The following PHF20L1 variants were observed in gnomAD, a reference collection of about 807,000 sequenced individuals.
PHF20L1 encodes the protein PHD finger protein 20 like 1, also known as PHD finger protein 20-like protein 1.
Under a neutral mutation model 125.5 loss-of-function variants are expected in PHF20L1, and 44 were observed. That is an observed-to-expected ratio of 0.35 (90% CI 0.28 to 0.45). The LOEUF is 0.45. Ranked by LOEUF, PHF20L1 falls within the 20% of genes least tolerant of loss-of-function variation. The pLI is 1.00. For synonymous variants in PHF20L1, 380 were observed against 403.1 expected, an observed-to-expected ratio of 0.94 and a Z score of 0.69; for missense variants, 1,012 against 1,217.2, an observed-to-expected ratio of 0.83 and a Z score of 2.51.
rs567912346 is a variant in PHF20L1, at chr8:132,838,661, CAGTA to C, written c.2192-723_2192-720del. ...GTCACAATAAGTCACAAAAAAGTCA[CAGTA>C]AGAAGCAAGAGAATTAATTATTCAC... On this transcript the variant is annotated intron_variant, in intron 17 of 20. Coordinates refer to ENST00000395386, the MANE Select transcript of PHF20L1 (RefSeq NM_016018.5). 6 of 152,232 alleles carry C rather than the reference CAGTA, an allele frequency of 3.9e-5. No homozygotes were observed. The South Asian group carries it at 1.2e-3, about 32-fold the overall frequency. The allele number at this position is 152,232 out of a possible 1,614,324, so 9.4% of individuals were successfully genotyped here.
chr8:132,819,505 T>C (rs1478615841), intron 12 of PHF20L1, among the ~76,000 whole-genome samples: 1 of 151,738 alleles, frequency 6.6e-6, no homozygotes, highest in Non-Finnish European at 1.5e-5. Flanking sequence ...ACCTTTTGAT[T>C]ACAACCTTGT....
intron 4 of PHF20L1, among the ~76,000 whole-genome samples, chr8:132,796,581 C>T (rs1332217721): frequency 6.6e-6 from 1 of 152,058 alleles, no homozygotes; most frequent in Non-Finnish European, 1.5e-5. Flanking sequence ...ATGAATATGG[C>T]TATGGTTTTC....
intron 14 of PHF20L1, among the ~76,000 whole-genome samples, chr8:132,828,738 G>A (rs1387114648): frequency 6.6e-6 from 1 of 152,042 alleles, no homozygotes; most frequent in Admixed American, 6.6e-5. Flanking sequence ...CCAGTTTTTA[G>A]CTTTGTTACT....
intron 17 of PHF20L1, among the ~76,000 whole-genome samples, chr8:132,838,978 G>T (rs955089300): frequency 2.0e-5 from 3 of 152,134 alleles, no homozygotes; most frequent in Middle Eastern, 3.2e-3. Context: ...AGACATGGGG[G>T]AAGGGTTCCT....
chr8:132,804,346 T>C (rs1012733778), intron 7 of PHF20L1, among the ~76,000 whole-genome samples: 6 of 151,866 alleles, frequency 4.0e-5, no homozygotes, highest in Admixed American at 3.3e-4. Context: ...TCTTCAACCT[T>C]TTAAATGCTT....
chr8:132,829,761 G>A (rs1836563219), intron 14 of PHF20L1, among the ~76,000 whole-genome samples: 1 of 152,066 alleles, frequency 6.6e-6, no homozygotes, highest in African/African-American at 2.4e-5. Context: ...GGGTTTGAAT[G>A]TTGGCTTTGC....
intron 2 of PHF20L1, among the ~76,000 whole-genome samples, chr8:132,787,632 C>T (rs892702767): frequency 2.6e-5 from 4 of 151,968 alleles, no homozygotes; most frequent in Non-Finnish European, 4.4e-5. Flanking sequence ...GTTTTGCTTT[C>T]GGTTTGTTGT....
chr8:132,817,755 C>G (rs1835138756), intron 12 of PHF20L1: 1 of 478,920 alleles, frequency 2.1e-6, no homozygotes, highest in Non-Finnish European at 3.7e-6. Context: ...GACATACATG[C>G]TGCTTAACCT....
chr8:132,841,851 A>T (rs529245933), intron 18 of PHF20L1: 1 of 152,130 alleles, frequency 6.6e-6, no homozygotes, highest in Non-Finnish European at 1.5e-5. Context: ...GTACACAAAC[A>T]TATAATGGTA....
In PHF20L1 at chr8:132,846,932, T is replaced by G. The variant is rs969262265; in HGVS notation, c.*1009T>G. ...ATTTTTTTAACTGCTAGTAGTGGAA[T>G]ACTGGAAAAGCTTCATTTCTGAAGA... On this transcript the variant is annotated 3_prime_UTR_variant, in exon 21 of 21. Transcript: ENST00000395386. 5 of 152,504 alleles carry G rather than the reference T, an allele frequency of 3.3e-5. No individual in the cohort carries two copies. The highest frequency in any genetic ancestry group is 7.4e-5 in the Non-Finnish European group (5 of 67,982). 9.4% of individuals were successfully genotyped at this position (152,504 alleles called of 1,614,324 possible).
chr8:132,825,459 A>G (rs1305783265), intron 14 of PHF20L1, 88 bp downstream of exon 14: 1 of 1,098,546 alleles, frequency 9.1e-7, no homozygotes, highest in Non-Finnish European at 1.2e-6. Context: ...TGGAGTCATG[A>G]CACGATCCCC....
Position 132,815,165 on chromosome 8 carries a change from G to A in PHF20L1, c.1183+276G>A. 3 of 249,370 alleles carry A rather than the reference G, an allele frequency of 1.2e-5. No homozygotes were observed. In the Admixed American group the frequency reaches 1.6e-4, roughly 14 times the overall value. 15.4% of individuals were successfully genotyped at this position (249,370 alleles called of 1,614,324 possible). A position where few individuals can be genotyped will look rare whatever the true frequency, so the allele number is the denominator to read the frequency against. ...AACTCATAATCCAAGCATACTGAGA[G>A]GCCTGATTCATTACAAAAAAAAAAA... On this transcript the variant is annotated intron_variant, in intron 10 of 20. Coordinates refer to ENST00000395386, the MANE Select transcript of PHF20L1 (RefSeq NM_016018.5).
At chr8:132,823,590 A>G (rs77186736) in intron 12 of PHF20L1, among the ~76,000 whole-genome samples, 3,066 of 152,048 alleles carry the variant, frequency 0.02, 107 homozygotes, top group African/African-American at 0.071. Flanking sequence ...AAAGGAGAAA[A>G]TGAAAAAAAT....
intron 2 of PHF20L1, among the ~76,000 whole-genome samples, chr8:132,789,962 G>A (rs981098721): frequency 6.6e-6 from 1 of 151,890 alleles, no homozygotes; most frequent in Non-Finnish European, 1.5e-5. Context: ...CATTGTTATC[G>A]GCATCTTATC....
At position 132,776,348 on chromosome 8, in the gene PHF20L1, C is replaced by G. The variant is rs566455997; in HGVS notation, c.-38+703C>G. Among the ~76,000 whole-genome samples the G allele has an allele frequency of 4.3e-4, 65 of 152,300 alleles. 2 individuals carry two copies. In the South Asian group the frequency reaches 0.013, roughly 31 times the overall value. ...AGTGTACCTTGTGAACTATCCCTTACTGAATTCTTCCTGTGACAGACAGCA... is the reference window on the plus strand; with the variant it reads ...AGTGTACCTTGTGAACTATCCCTTAGTGAATTCTTCCTGTGACAGACAGCA... On this transcript the variant is annotated intron_variant, in intron 1 of 20. Transcript: ENST00000395386.
Position 132,794,484 on chromosome 8 carries a change from G to T in PHF20L1, c.158G>T (p.Arg53Leu). The T allele has an allele frequency of 6.2e-7, 1 of 1,610,450 alleles. No individual in the cohort carries two copies. Among genetic ancestry groups the T allele is most frequent in the Non-Finnish European group, 8.5e-7 (1 of 1,176,686 alleles). ...GTCCATTTTGAGCGCTGGAGTCATCGTTATGATGAGTGGATTTACTGGGAT... is the reference window on the plus strand; with the variant it reads ...GTCCATTTTGAGCGCTGGAGTCATCTTTATGATGAGTGGATTTACTGGGAT... ...MLVHFERWSH[R>L]YDEWIYWDSN... The change falls in exon 3 of 21, where the codon CGT becomes CTT. Residue 53 changes from arginine (R) to leucine (L), a missense_variant. Coordinates refer to ENST00000395386, the MANE Select transcript of PHF20L1 (RefSeq NM_016018.5).
At chr8:132,820,358 C>T (rs1835443820) in intron 12 of PHF20L1, among the ~76,000 whole-genome samples, 1 of 151,686 alleles carries the variant, frequency 6.6e-6, no homozygotes, top group Admixed American at 6.6e-5. Context: ...GCACCTTGGG[C>T]CAACAGTTAT....
At chr8:132,832,461 T>G in intron 15 of PHF20L1, 62 bp downstream of exon 15, 1 of 1,174,988 alleles carries the variant, frequency 8.5e-7, no homozygotes, top group Non-Finnish European at 1.3e-6. Context: ...TAACTGAGAA[T>G]AAAACGTACT....
intron 15 of PHF20L1, among the ~76,000 whole-genome samples, chr8:132,836,184 A>G (rs1353424455): frequency 6.6e-6 from 1 of 152,116 alleles, no homozygotes; most frequent in African/African-American, 2.4e-5. Context: ...CAAGGGGACA[A>G]CACAGGGTTT....
Sources: gnomAD v4.1 joint callset for allele counts (sites outside exome capture counted in the v4.1 genomes callset) on GRCh38, gnomAD v4.1.1 for gene constraint, MANE v1.5 for transcripts, NCBI Gene and HGNC (gene_info 2026-07-23, HGNC 2026-07-21) for gene names.